The following RNF216 variants were observed in gnomAD, a reference collection of about 807,000 sequenced individuals.
The protein encoded by RNF216 is E3 ubiquitin-protein ligase RNF216.
RNF216 carries 72 observed loss-of-function variants against 110.8 expected under a neutral mutation model. The observed-to-expected ratio is 0.65, with a 90% CI of 0.54 to 0.79. The LOEUF (loss-of-function observed/expected upper bound fraction) is 0.79. Among genes scored for constraint, RNF216 ranks in the 30% least tolerant of loss-of-function variants. The pLI, the probability that RNF216 is intolerant of heterozygous loss-of-function variation, is 0.00. For missense variants in RNF216, 1,342 were observed against 1,141.2 expected, an observed-to-expected ratio of 1.18 and a Z score of -2.54; for synonymous variants, 495 against 407.5, an observed-to-expected ratio of 1.21 and a Z score of -2.59.
chr7:5,633,413 T>A lies in RNF216; in HGVS notation c.2382+7741A>T, dbSNP rs541094154. On this transcript the variant is annotated intron_variant, in intron 15 of 16. Coordinates refer to ENST00000389902, the MANE Select transcript of RNF216 (RefSeq NM_207111.4). The stretch of plus-strand genomic sequence containing the variant: ...CAACACGGTGAAACCCCGTCTCTAC[T>A]AAAATACGAAAATTAGCTGGGCCTG... Among the ~76,000 whole-genome samples, 5 of 151,988 alleles carry A rather than the reference T, an allele frequency of 3.3e-5. No homozygotes were observed. In the South Asian group the frequency reaches 8.3e-4, roughly 25 times the overall value.
At chr7:5,722,961 C>T (rs1486611939) in intron 8 of RNF216, among the ~76,000 whole-genome samples, 1 of 151,998 alleles carries the variant, frequency 6.6e-6, no homozygotes, top group African/African-American at 2.4e-5. Flanking sequence ...AAAAAAACAA[C>T]AGCAACAAAA....
At chr7:5,774,526 T>A (rs749076914) in intron 1 of RNF216, among the ~76,000 whole-genome samples, 1 of 152,232 alleles carries the variant, frequency 6.6e-6, no homozygotes, top group African/African-American at 2.4e-5. Flanking sequence ...GTGCCTGATA[T>A]ATACTAAGTG....
chr7:5,739,803 C>G (rs1220415863), intron 4 of RNF216, among the ~76,000 whole-genome samples: 1 of 152,002 alleles, frequency 6.6e-6, no homozygotes, highest in African/African-American at 2.4e-5. Flanking sequence ...GAGTTCAAAA[C>G]CAGCCTGGCC....
At chr7:5,692,853 A>G (rs1015151498) in intron 13 of RNF216, among the ~76,000 whole-genome samples, 1 of 152,216 alleles carries the variant, frequency 6.6e-6, no homozygotes, top group Non-Finnish European at 1.5e-5. Context: ...TGGGTATACA[A>G]TGTGACACAT....
At chr7:5,745,678 T>C (rs1416950637) in intron 3 of RNF216, among the ~76,000 whole-genome samples, 1 of 151,996 alleles carries the variant, frequency 6.6e-6, no homozygotes, top group Non-Finnish European at 1.5e-5. Flanking sequence ...GGTGGGTGGA[T>C]AACTTGAGGT....
chr7:5,718,864 A>C (rs762705099), intron 9 of RNF216, among the ~76,000 whole-genome samples: 2 of 152,030 alleles, frequency 1.3e-5, no homozygotes, highest in African/African-American at 2.4e-5. Context: ...GCCAAACTTA[A>C]GTTTTTTTAG....
intron 1 of RNF216, chr7:5,767,044 C>G (rs1011842099): frequency 2.0e-5 from 3 of 152,166 alleles, no homozygotes; most frequent in Non-Finnish European, 4.4e-5. Flanking sequence ...TAACAAGAAC[C>G]CTATAATCCT....
rs958892397 is a variant in RNF216, at chr7:5,680,886, G to A, written c.2062-28376C>T. Among the ~76,000 whole-genome samples the A allele has an allele frequency of 3.3e-5, 5 of 151,782 alleles. No individual in the cohort carries two copies. The highest frequency in any genetic ancestry group is 2.1e-4 in the South Asian group (1 of 4,800). ...CATTCCAGCTTGTCCTTTCTGTTCC[G>A]CCTCCAAAATGCACCTCACATCTAA... On this transcript the variant is annotated intron_variant, in intron 13 of 16. Transcript: ENST00000389902. The surrounding 1 kb of genome is among the most constrained non-coding windows in gnomAD (Gnocchi z 4.3).
chr7:5,632,129 G>A (rs887635672), intron 15 of RNF216, among the ~76,000 whole-genome samples: 5 of 152,196 alleles, frequency 3.3e-5, no homozygotes, highest in Admixed American at 1.3e-4. Context: ...CCTGGACAGC[G>A]GTCTATAGAG....
At chr7:5,762,499 T>C (rs1317967568) in intron 1 of RNF216, among the ~76,000 whole-genome samples, 4 of 151,266 alleles carry the variant, frequency 2.6e-5, no homozygotes, top group Non-Finnish European at 5.9e-5. Flanking sequence ...CTACTAAAAA[T>C]TTAAAAAATA....
chr7:5,693,538 GA>G (rs2128615522), intron 13 of RNF216, among the ~76,000 whole-genome samples: 1 of 152,322 alleles, frequency 6.6e-6, no homozygotes, highest in South Asian at 2.1e-4. Flanking sequence ...GAAAGAGCAG[GA>G]ACTAGCTAGG....
intron 13 of RNF216, among the ~76,000 whole-genome samples, chr7:5,710,011 CT>C (rs1792566199): frequency 6.6e-6 from 1 of 152,166 alleles, no homozygotes; most frequent in Non-Finnish European, 1.5e-5. Flanking sequence ...GCCTCAGCCT[CT>C]CAAAGTGCTG....
intron 15 of RNF216, among the ~76,000 whole-genome samples, chr7:5,636,035 G>C (rs1055698740): frequency 2.0e-5 from 3 of 152,206 alleles, no homozygotes; most frequent in African/African-American, 4.8e-5. Context: ...TGTATTGAAA[G>C]AGAACATGCT....
chr7:5,685,823 T>C (rs1308042212), intron 13 of RNF216, among the ~76,000 whole-genome samples: 1 of 152,240 alleles, frequency 6.6e-6, no homozygotes, highest in Non-Finnish European at 1.5e-5. Flanking sequence ...TAATTAAATA[T>C]GTATGTTAAG....
chr7:5,676,509 C>A (rs1562816129), intron 13 of RNF216, among the ~76,000 whole-genome samples: 2 of 152,198 alleles, frequency 1.3e-5, no homozygotes, highest in Non-Finnish European at 2.9e-5. Context: ...AGTACTCAGG[C>A]CAAGCCAGTG....
At chr7:5,722,276 T>C (rs2128636914) in intron 8 of RNF216, among the ~76,000 whole-genome samples, 1 of 152,262 alleles carries the variant, frequency 6.6e-6, no homozygotes, top group Non-Finnish European at 1.5e-5. Flanking sequence ...AATTTACTCT[T>C]GTCTGTTCTT....
chr7:5,725,507 C>T (rs773131915), intron 7 of RNF216, 69 bp from the exon 8 acceptor site: 4 of 885,820 alleles, frequency 4.5e-6, no homozygotes, highest in Non-Finnish European at 7.5e-6. Context: ...CAGGCAATCC[C>T]TGAATGCCAT....
intron 9 of RNF216, among the ~76,000 whole-genome samples, chr7:5,717,657 A>T (rs978615232): frequency 6.6e-6 from 1 of 152,376 alleles, no homozygotes; most frequent in African/African-American, 2.4e-5. Context: ...GGTATTACAT[A>T]AAATGGTATA....
rs1295367459 is a variant in RNF216, at chr7:5,621,089, G to A, written c.*1771C>T. ...GGCTGCCCCCAAGCCCGGCCTCCCT[G>A]CGCACCCTTACCCCAGGTCCAGGTG... On this transcript the variant is annotated 3_prime_UTR_variant, in exon 17 of 17. Transcript: ENST00000389902. 1 of 152,034 alleles carries A rather than the reference G, an allele frequency of 6.6e-6. No homozygotes were observed. Among genetic ancestry groups the A allele is most frequent in the African/African-American group, 2.4e-5 (1 of 41,302 alleles). 9.4% of individuals were successfully genotyped at this position (152,034 alleles called of 1,614,324 possible). A position where few individuals can be genotyped will look rare whatever the true frequency, so the allele number is the denominator to read the frequency against.
Sources: gnomAD v4.1 joint callset for allele counts (sites outside exome capture counted in the v4.1 genomes callset) on GRCh38, gnomAD v4.1.1 for gene constraint, Gnocchi (gnomAD v3.1) non-coding constraint, MANE v1.5 for transcripts, NCBI Gene and HGNC (gene_info 2026-07-23, HGNC 2026-07-21) for gene names.